The following LRP1B variants were observed in gnomAD, a reference collection of about 807,000 sequenced individuals.
LRP1B encodes low-density lipoprotein receptor-related protein 1B.
LRP1B carries 217 observed loss-of-function variants against 556.6 expected under a neutral mutation model. The observed-to-expected ratio is 0.39, with a 90% CI of 0.35 to 0.44. The LOEUF (loss-of-function observed/expected upper bound fraction) is 0.44. Among genes scored for constraint, LRP1B ranks in the 20% least tolerant of loss-of-function variants. The pLI is 1.00. For missense variants in LRP1B, 5,053 were observed against 5,620.8 expected, an observed-to-expected ratio of 0.90 and a Z score of 3.23; for synonymous variants, 2,047 against 1,865.8, an observed-to-expected ratio of 1.10 and a Z score of -2.50.
intron 7 of LRP1B, among the ~76,000 whole-genome samples, chr2:141,151,421 T>G (rs1363822968): frequency 6.6e-6 from 1 of 152,170 alleles, no homozygotes; most frequent in Non-Finnish European, 1.5e-5. Context: ...TACAACATTA[T>G]ATTCATCAAT....
At chr2:140,519,401 T>C (rs1484876091) in intron 49 of LRP1B, among the ~76,000 whole-genome samples, 1 of 152,182 alleles carries the variant, frequency 6.6e-6, no homozygotes, top group African/African-American at 2.4e-5. Context: ...GAAAATTGGC[T>C]AGCCATATGT....
chr2:141,494,744 T>C (rs1026498690), intron 2 of LRP1B, among the ~76,000 whole-genome samples: 9 of 147,712 alleles, frequency 6.1e-5, no homozygotes, highest in African/African-American at 2.0e-4. Context: ...TATAAAGCAA[T>C]TACACCTTTC....
At chr2:140,787,435 C>T (rs1476439965) in intron 32 of LRP1B, among the ~76,000 whole-genome samples, 1 of 152,044 alleles carries the variant, frequency 6.6e-6, no homozygotes, top group African/African-American at 2.4e-5. Flanking sequence ...TTACTAGTCC[C>T]CAAGAGGTAG....
At chr2:141,607,239 T>C (rs1687947842) in intron 2 of LRP1B, among the ~76,000 whole-genome samples, 1 of 152,074 alleles carries the variant, frequency 6.6e-6, no homozygotes, top group African/African-American at 2.4e-5. Flanking sequence ...ACCTCTGGAT[T>C]AGGAGTGATA....
At chr2:141,383,201 A>G (rs1204383549) in intron 3 of LRP1B, among the ~76,000 whole-genome samples, 1 of 152,222 alleles carries the variant, frequency 6.6e-6, no homozygotes, top group East Asian at 1.9e-4. Context: ...GAAGGCTATC[A>G]GAAAGTCAAA....
At chr2:141,489,544 G>A (rs1574005979) in intron 2 of LRP1B, among the ~76,000 whole-genome samples, 1 of 151,912 alleles carries the variant, frequency 6.6e-6, no homozygotes, top group Middle Eastern at 3.4e-3. Context: ...GGGAAAATTA[G>A]TATATAATAT....
At chr2:140,367,906 A>C (rs1404622002) in intron 71 of LRP1B, among the ~76,000 whole-genome samples, 1 of 151,810 alleles carries the variant, frequency 6.6e-6, no homozygotes, top group Non-Finnish European at 1.5e-5. Context: ...TGAGTTCCCT[A>C]AGGTATTGCA....
chr2:142,131,005 C>A lies in LRP1B; in HGVS notation c.-276G>T. ...GCCCGTGTGTCTTGACTTTTCAATG[C>A]AGGGTACGTCTGATCTTACATCACG... On this transcript the variant is annotated 5_prime_UTR_variant, in exon 1 of 91. Transcript: ENST00000389484. The A allele has an allele frequency of 5.8e-6, 3 of 519,630 alleles. No individual in the cohort carries two copies. The highest frequency in any genetic ancestry group is 6.8e-5 in the East Asian group (2 of 29,464). 32.2% of individuals were successfully genotyped at this position (519,630 alleles called of 1,614,324 possible).
chr2:141,517,660 T>A lies in LRP1B; in HGVS notation c.206-37127A>T, dbSNP rs147499196. ...TAACATTGTAACTGGTGTATTTGTT[T>A]AAAAGAAAAGTCCAGACCATCTTCT... is the stretch of plus-strand genomic sequence containing the variant. On this transcript the variant is annotated intron_variant, in intron 2 of 90. Coordinates refer to ENST00000389484, the MANE Select transcript of LRP1B (RefSeq NM_018557.3). Among the ~76,000 whole-genome samples the A allele has an allele frequency of 3.3e-5, 5 of 152,308 alleles. No individual in the cohort carries two copies. The East Asian group carries it at 9.6e-4, about 29-fold the overall frequency.
At chr2:141,330,465 C>T (rs1452923582) in intron 3 of LRP1B, among the ~76,000 whole-genome samples, 1 of 152,102 alleles carries the variant, frequency 6.6e-6, no homozygotes, top group Non-Finnish European at 1.5e-5. Context: ...TCAACATCAA[C>T]TTTTAGAATA....
intron 1 of LRP1B, among the ~76,000 whole-genome samples, chr2:141,907,338 G>A (rs1699784601): frequency 6.6e-6 from 1 of 151,676 alleles, no homozygotes; most frequent in Non-Finnish European, 1.5e-5. Context: ...TTCATACATT[G>A]ATACTTAGAG....
chr2:141,674,456 T>C (rs987716748), intron 2 of LRP1B, among the ~76,000 whole-genome samples: 1 of 152,108 alleles, frequency 6.6e-6, no homozygotes, highest in Non-Finnish European at 1.5e-5. Flanking sequence ...ATAATTGCAG[T>C]GATTCCAAGA....
intron 41 of LRP1B, among the ~76,000 whole-genome samples, chr2:140,620,251 C>A (rs1049742516): frequency 6.6e-6 from 1 of 152,054 alleles, no homozygotes; most frequent in Non-Finnish European, 1.5e-5. Context: ...GTGGTGACAT[C>A]AAAAATGACA....
At chr2:141,764,005 G>A (rs964852907) in intron 2 of LRP1B, among the ~76,000 whole-genome samples, 1 of 152,228 alleles carries the variant, frequency 6.6e-6, no homozygotes, top group Admixed American at 6.5e-5. Context: ...TGGCTAGCAT[G>A]TATTACTTTT....
chr2:140,916,465 A>G (rs1257540808), intron 21 of LRP1B, among the ~76,000 whole-genome samples: 1 of 152,232 alleles, frequency 6.6e-6, no homozygotes, highest in Non-Finnish European at 1.5e-5. Flanking sequence ...AGATCAGAAC[A>G]GAGTATGATG....
intron 3 of LRP1B, among the ~76,000 whole-genome samples, chr2:141,403,764 T>C (rs773720024): frequency 7.9e-5 from 12 of 152,182 alleles, no homozygotes; most frequent in Non-Finnish European, 1.6e-4. Flanking sequence ...ACAATTTTTA[T>C]AATATAGCGA....
At chr2:141,948,369 A>T (rs1701014516) in intron 1 of LRP1B, among the ~76,000 whole-genome samples, 1 of 151,986 alleles carries the variant, frequency 6.6e-6, no homozygotes, top group African/African-American at 2.4e-5. Flanking sequence ...ATGAGTATAA[A>T]TGATTGGCAT....
intron 34 of LRP1B, 97 bp downstream of exon 34, chr2:140,770,784 C>G (rs2104938293): frequency 1.0e-6 from 1 of 988,440 alleles, no homozygotes. Context: ...TAATTTTTTT[C>G]TAATGTTTAA....
chr2:141,945,767 T>C (rs1227256629), intron 1 of LRP1B, among the ~76,000 whole-genome samples: 1 of 126,838 alleles, frequency 7.9e-6, no homozygotes, highest in African/African-American at 2.6e-5. Flanking sequence ...ACTTCATCTG[T>C]CTCATAAATC....
Sources: gnomAD v4.1 joint callset for allele counts (sites outside exome capture counted in the v4.1 genomes callset) on GRCh38, gnomAD v4.1.1 for gene constraint, MANE v1.5 for transcripts, NCBI Gene and HGNC (gene_info 2026-07-23, HGNC 2026-07-21) for gene names.